Variants in DNAH6 observed in about 807,000 individuals in gnomAD.
The protein encoded by DNAH6 is dynein axonemal heavy chain 6.
Under a neutral mutation model 491.4 loss-of-function variants are expected in DNAH6, and 340 were observed. That is an observed-to-expected ratio of 0.69 (90% CI 0.63 to 0.76). The LOEUF (loss-of-function observed/expected upper bound fraction) is 0.76. Ranked by LOEUF, DNAH6 falls within the 30% of genes least tolerant of loss-of-function variation. DNAH6 has a pLI of 0.00. For synonymous variants in DNAH6, 1,603 were observed against 1,686.1 expected (o/e 0.95, Z 1.21); for missense variants, 4,443 against 4,972.2 (o/e 0.89, Z 3.20).
At chr2:84,544,165 A>G in intron 4 of DNAH6, 68 bp from the exon 5 acceptor site, 1 of 813,096 alleles carries the variant, frequency 1.2e-6, no homozygotes, top group African/African-American at 1.7e-5. Flanking sequence ...AGAATAAAAA[A>G]GCAATGCAAT....
At position 84,694,270 on chromosome 2, in the gene DNAH6, A is replaced by G. The variant is rs1333669935; in HGVS notation, c.7314A>G (p.Gln2438=). The G allele has an allele frequency of 5.2e-6, 8 of 1,552,088 alleles. No individual in the cohort carries two copies. The highest frequency in any genetic ancestry group is 7.0e-6 in the Non-Finnish European group (8 of 1,147,060). ...GCAGGATTGCTCGGATGATACGTCAAGAAAGAGGCAATGCCCTGCTTGTTG... is the reference window on the plus strand; with the variant it reads ...GCAGGATTGCTCGGATGATACGTCAGGAAAGAGGCAATGCCCTGCTTGTTG... ...HVSRIARMIR[Q]ERGNALLVGV... The change falls in exon 46 of 77, where the codon CAA becomes CAG. Residue 2438 remains glutamine (Q), a synonymous_variant. Coordinates refer to ENST00000389394, the MANE Select transcript of DNAH6 (RefSeq NM_001370.2).
At chr2:84,637,132 T>C in intron 30 of DNAH6, 78 bp from the exon 31 acceptor site, 1 of 1,259,460 alleles carries the variant, frequency 7.9e-7, no homozygotes, top group Non-Finnish European at 1.1e-6. Flanking sequence ...TACATGAGTC[T>C]TGTATTCGAG....
Position 84,808,472 on chromosome 2 carries a change from G to C in DNAH6, c.11669G>C (p.Arg3890Pro). The change falls in exon 72 of 77, where the codon CGT (arginine) becomes CCT (proline). Residue 3890 changes from arginine (R) to proline (P), a missense_variant. Around this residue, in one of 3 missense-constraint regions of DNAH6, gnomAD observed 1,463 missense variants for 1,656.6 expected, o/e 0.88. Coordinates refer to ENST00000389394, the MANE Select transcript of DNAH6 (RefSeq NM_001370.2). ...CTTTTTGTCAAGGATCTTCAAGGAC[G>C]TCTGAACTCCTTGACCACCGTTCTT... ...ESLFVKDLQG[R>P]LNSLTTVLGQ... 1 of 1,550,262 alleles carries C rather than the reference G, an allele frequency of 6.5e-7. No homozygotes were observed. The highest frequency in any genetic ancestry group is 1.2e-5 in the South Asian group (1 of 83,496).
chr2:84,490,593 ACT>A, the DNAH6 span, among the ~76,000 whole-genome samples: 1 of 151,932 alleles, frequency 6.6e-6, no homozygotes, highest in African/African-American at 2.4e-5. Flanking sequence ...ATGGAGTCTC[ACT>A]CTGTCACCCA....
chr2:84,680,534 A>G (rs1183076295), intron 41 of DNAH6, among the ~76,000 whole-genome samples: 11 of 151,918 alleles, frequency 7.2e-5, no homozygotes, highest in Admixed American at 7.2e-4. Flanking sequence ...TGCCAAGCAG[A>G]GAGGGCTGGG....
At chr2:84,499,690 C>T in the DNAH6 span, among the ~76,000 whole-genome samples, 1 of 152,174 alleles carries the variant, frequency 6.6e-6, no homozygotes, top group African/African-American at 2.4e-5. Context: ...TCTCCACATC[C>T]CCCAGAGTTT....
intron 37 of DNAH6, among the ~76,000 whole-genome samples, chr2:84,665,592 A>G (rs1456513506): frequency 2.0e-5 from 3 of 152,232 alleles, no homozygotes; most frequent in Non-Finnish European, 4.4e-5. Context: ...AGGCTCTGAA[A>G]TTGAGGCAAT....
the DNAH6 span, among the ~76,000 whole-genome samples, chr2:84,469,661 G>A: frequency 6.5e-3 from 994 of 152,260 alleles, 8 homozygotes; most frequent in African/African-American, 0.022. The surrounding 1 kb of genome is among the most constrained non-coding windows in gnomAD (Gnocchi z 4.0). Flanking sequence ...CCGCTTGTCG[G>A]TAACAAAGGG....
At chr2:84,736,475 A>C (rs2105001259) in intron 62 of DNAH6, among the ~76,000 whole-genome samples, 1 of 152,266 alleles carries the variant, frequency 6.6e-6, no homozygotes, top group Non-Finnish European at 1.5e-5. Context: ...CCAACCCATA[A>C]GTGTGGGATG....
intron 68 of DNAH6, among the ~76,000 whole-genome samples, chr2:84,792,840 C>A (rs934085797): frequency 1.3e-5 from 2 of 152,114 alleles, no homozygotes; most frequent in Non-Finnish European, 2.9e-5. Context: ...GGAGATATAG[C>A]AATACCCATG....
Position 84,619,759 on chromosome 2 carries a change from A to T in DNAH6, c.3647A>T (p.His1216Leu), listed in dbSNP as rs367551290. The change falls in exon 24 of 77, where the codon CAC (histidine) becomes CTC (leucine). Residue 1216 changes from histidine to leucine, a missense_variant. Physicochemically the swap from His to Leu is moderately conservative, Grantham distance 99. Transcript: ENST00000389394. ...QTRNPQAVQPHLRKCFDSISK... is the reference protein window; with the variant it reads ...QTRNPQAVQPLLRKCFDSISK... ...CGAAATCCACAGGCCGTGCAGCCAC[A>T]CTTAAGGAAATGCTTCGACTCCATT... 738 of 1,551,664 alleles carry T rather than the reference A, an allele frequency of 4.8e-4. 5 individuals carry two copies. In the South Asian group the frequency reaches 5.8e-3, roughly 12 times the overall value.
Position 84,704,126 on chromosome 2 carries a change from A to G in DNAH6, c.8289A>G (p.Gln2763=), listed in dbSNP as rs1425333532. ...ATAKVKAEET[Q]AIADDAQRDL... is the part of the protein sequence containing the mutation. Reference sequence around the variant, plus strand: ...CAAAAGTCAAAGCTGAAGAAACCCAAGCAATAGCTGATGATGCTCAAAGAG... The same window carrying G: ...CAAAAGTCAAAGCTGAAGAAACCCAGGCAATAGCTGATGATGCTCAAAGAG... Residue 2763 remains glutamine, a synonymous_variant, in exon 51 of 77, where the codon CAA becomes CAG. Coordinates refer to ENST00000389394, the MANE Select transcript of DNAH6 (RefSeq NM_001370.2). 3 of 1,551,902 alleles carry G rather than the reference A, an allele frequency of 1.9e-6. No homozygotes were observed. In the East Asian group the frequency reaches 7.3e-5, roughly 38 times the overall value.
intron 33 of DNAH6, among the ~76,000 whole-genome samples, chr2:84,644,239 A>G (rs1689686793): frequency 6.6e-6 from 1 of 152,112 alleles, no homozygotes; most frequent in Middle Eastern, 3.4e-3. Context: ...GCTGGAGTTG[A>G]TGTTTCCCCT....
chr2:84,465,268 A>G, the DNAH6 span, among the ~76,000 whole-genome samples: 146,962 of 152,246 alleles, frequency 0.97, 70,979 homozygotes, highest in East Asian at 1. Flanking sequence ...GGCTGAGGTG[A>G]GCAGATCACG....
chr2:84,679,849 G>C (rs1326927489), intron 41 of DNAH6, among the ~76,000 whole-genome samples: 2 of 152,166 alleles, frequency 1.3e-5, no homozygotes, highest in South Asian at 2.1e-4. Context: ...ATAATGAAGA[G>C]ATGAATGAGA....
At chr2:84,645,141 C>A (rs368421061) in intron 33 of DNAH6, among the ~76,000 whole-genome samples, 1 of 152,052 alleles carries the variant, frequency 6.6e-6, no homozygotes, top group African/African-American at 2.4e-5. Context: ...CATTCTAGGC[C>A]GGGGGTGGTG....
In DNAH6 at chr2:84,611,958, G is replaced by T. The variant is rs571944713; in HGVS notation, c.3475+104G>T. 3.9e-6 allele frequency: 4 copies of T among 1,023,314 alleles called. No homozygotes were observed. In the African/African-American group the frequency reaches 4.9e-5, roughly 13 times the overall value. 63.4% of individuals were successfully genotyped at this position (1,023,314 alleles called of 1,614,324 possible). A position where few individuals can be genotyped will look rare whatever the true frequency, so the allele number is the denominator to read the frequency against. ...TTCTCTGGGAATCTAATAACATATG[G>T]TCCATTCAACCCTTGATTCTAGTCA... On this transcript the variant is annotated intron_variant, in intron 22 of 76. Transcript: ENST00000389394.
At chr2:84,460,895 T>G in the DNAH6 span, among the ~76,000 whole-genome samples, 9 of 152,156 alleles carry the variant, frequency 5.9e-5, no homozygotes, top group Non-Finnish European at 1.0e-4. Context: ...CCACCAAGGG[T>G]TTTGCCTAGG....
intron 39 of DNAH6, among the ~76,000 whole-genome samples, chr2:84,670,734 A>G (rs141909124): frequency 6.6e-6 from 1 of 152,334 alleles, no homozygotes; most frequent in Non-Finnish European, 1.5e-5. Flanking sequence ...CTCTCCACCC[A>G]GGTTCTTCCA....
Sources: allele counts gnomAD v4.1 joint callset (sites outside exome capture counted in the v4.1 genomes callset), GRCh38; gene constraint gnomAD v4.1.1; regional missense constraint gnomAD v4.1.1; non-coding constraint Gnocchi (gnomAD v3.1); transcripts MANE v1.5; gene names NCBI Gene and HGNC (gene_info 2026-07-23, HGNC 2026-07-21).